AGAP1: variants seen among roughly 807,000 people sequenced by gnomAD.
AGAP1 encodes ArfGAP with GTPase domain, ankyrin repeat and PH domain 1, also known as arf-GAP with GTPase, ANK repeat and PH domain-containing protein 1.
A neutral mutation model predicts 105.3 loss-of-function variants in AGAP1; 29 were observed. The observed-to-expected ratio is 0.28, with a 90% CI of 0.21 to 0.38. The LOEUF is 0.38. Among genes scored for constraint, AGAP1 ranks in the 10% least tolerant of loss-of-function variants. The pLI is 1.00. For synonymous variants in AGAP1, 509 were observed against 485.9 expected, an observed-to-expected ratio of 1.05 and a Z score of -0.63; for missense variants, 998 against 1,165.1, an observed-to-expected ratio of 0.86 and a Z score of 2.09.
At position 236,012,894 on chromosome 2, in the gene AGAP1, G is replaced by A. The variant is rs958316198; in HGVS notation, c.1646-23667G>A. On this transcript the variant is annotated intron_variant, in intron 13 of 17. Coordinates refer to ENST00000304032, the MANE Select transcript of AGAP1 (RefSeq NM_001037131.3). This position sits in a 1 kb window ranked among gnomAD's most constrained non-coding sequence, Gnocchi z 4.9. ...CCAGAGTAGCTGGGATTATAGGCGT[G>A]CCCCACCATGCACAGCTAATTTTTG... Among the ~76,000 whole-genome samples, 43 of 152,150 alleles carry A rather than the reference G, an allele frequency of 2.8e-4. No individual in the cohort carries two copies. The Middle Eastern group carries it at 0.014, about 48-fold the overall frequency.
At chr2:235,884,466 T>G (rs1401262705) in intron 10 of AGAP1, among the ~76,000 whole-genome samples, 1 of 150,850 alleles carries the variant, frequency 6.6e-6, no homozygotes, top group Non-Finnish European at 1.5e-5. Context: ...TTTTTTTTTT[T>G]TTTGAGAGGA....
At chr2:235,803,048 T>TGTGATG (rs1559506509) in intron 8 of AGAP1, among the ~76,000 whole-genome samples, 3 of 3,976 alleles carry the variant, frequency 7.5e-4, no homozygotes, top group Non-Finnish European at 1.9e-3. Context: ...TGATGATGGT[T>TGTGATG]GTGGTGATGG....
In AGAP1 at chr2:235,620,140, G is replaced by A. The variant is rs1401198634; in HGVS notation, c.164-89039G>A. Among the ~76,000 whole-genome samples the A allele has an allele frequency of 5.3e-5, 8 of 152,128 alleles. No homozygotes were observed. In the East Asian group the frequency reaches 1.2e-3, roughly 22 times the overall value. On this transcript the variant is annotated intron_variant, in intron 1 of 17. Transcript: ENST00000304032. This position sits in a 1 kb window ranked among gnomAD's most constrained non-coding sequence, Gnocchi z 4.5. ...GGAGACTTGTCATTCTTCTCCTGCC[G>A]GGCATGGATGCTGACAATAGAACTA...
intron 10 of AGAP1, among the ~76,000 whole-genome samples, chr2:235,890,942 C>A (rs1422619386): frequency 5.8e-4 from 68 of 117,636 alleles, no homozygotes; most frequent in South Asian, 3.2e-3. Flanking sequence ...AACTGAGGCT[C>A]AAAAAAAAAA....
chr2:235,751,661 A>G lies in AGAP1; in HGVS notation c.673+1173A>G, dbSNP rs1205460597. ...AGTTTCAAAGATGACATCAGTTCTC[A>G]AACTTCACATTTTCTTTCCTGGAGC... On this transcript the variant is annotated intron_variant, in intron 6 of 17. Transcript: ENST00000304032. This position sits in a 1 kb window ranked among gnomAD's most constrained non-coding sequence, Gnocchi z 5.3. 1.3e-5 allele frequency among the ~76,000 whole-genome samples: 2 copies of G among 152,224 alleles called. No homozygotes were observed. The highest frequency in any genetic ancestry group is 4.8e-5 in the African/African-American group (2 of 41,464).
chr2:235,531,965 C>T (rs984152744), intron 1 of AGAP1, among the ~76,000 whole-genome samples: 8 of 151,974 alleles, frequency 5.3e-5, no homozygotes, highest in Non-Finnish European at 8.8e-5. Flanking sequence ...AGTGGCTGTC[C>T]GCATTAGATC....
chr2:235,695,332 A>G (rs992649257), intron 1 of AGAP1, among the ~76,000 whole-genome samples: 1 of 152,214 alleles, frequency 6.6e-6, no homozygotes, highest in Admixed American at 6.5e-5. Context: ...TGCTCATCGT[A>G]AAGACTTACA....
rs1443696427 is a variant in AGAP1 at position 235,728,456 on chromosome 2, A to C, written c.310+10812A>C. Among the ~76,000 whole-genome samples, 5 of 152,176 alleles carry C rather than the reference A, an allele frequency of 3.3e-5. No homozygotes were observed. Among genetic ancestry groups the C allele is most frequent in the African/African-American group, 1.2e-4 (5 of 41,440 alleles). On this transcript the variant is annotated intron_variant, in intron 3 of 17. Coordinates refer to ENST00000304032, the MANE Select transcript of AGAP1 (RefSeq NM_001037131.3). This position sits in a 1 kb window ranked among gnomAD's most constrained non-coding sequence, Gnocchi z 4.3. ...AATGATTGACCCAGACCAGAAATGGAAACCTGATTCAACTCACAGTGTAGT... is the reference window on the plus strand; with the variant it reads ...AATGATTGACCCAGACCAGAAATGGCAACCTGATTCAACTCACAGTGTAGT...
intron 1 of AGAP1, among the ~76,000 whole-genome samples, chr2:235,682,600 C>G (rs747080016): frequency 1.3e-5 from 2 of 152,134 alleles, no homozygotes; most frequent in Non-Finnish European, 2.9e-5. Flanking sequence ...GCACCTTAGC[C>G]TCCCAAAGTG....
intron 16 of AGAP1, among the ~76,000 whole-genome samples, chr2:236,065,779 G>A (rs1161949888): frequency 6.6e-6 from 1 of 152,164 alleles, no homozygotes; most frequent in Admixed American, 6.5e-5. Flanking sequence ...TGGGCTTCAG[G>A]GCAAATGAAG....
intron 2 of AGAP1, among the ~76,000 whole-genome samples, chr2:235,711,449 T>C (rs1950849427): frequency 1.3e-5 from 2 of 152,256 alleles, no homozygotes; most frequent in African/African-American, 2.4e-5. Flanking sequence ...TTCTGGAATA[T>C]CTGCCCAGAG....
chr2:235,882,328 T>C lies in AGAP1; in HGVS notation c.1051-1017T>C, dbSNP rs2050066357. 1.0e-6 allele frequency: 1 copy of C among 996,932 alleles called. No homozygotes were observed. The highest frequency in any genetic ancestry group is 1.5e-6 in the Non-Finnish European group (1 of 668,176). The allele number at this position is 996,932 out of a possible 1,614,324, so 61.8% of individuals were successfully genotyped here. On this transcript the variant is annotated intron_variant, in intron 9 of 17. Coordinates refer to ENST00000304032, the MANE Select transcript of AGAP1 (RefSeq NM_001037131.3). The surrounding 1 kb of genome is among the most constrained non-coding windows in gnomAD (Gnocchi z 4.6). The stretch of plus-strand genomic sequence containing the variant: ...TTCCTCCACATCACAACTGGGGTCT[T>C]AAGGATGACGAGGGCAGGAAATCCT...
rs1945735127 is a variant in AGAP1 at position 235,601,646 on chromosome 2, G to C, written c.163+106797G>C. ...TTCAGTAACCTCCCACTGGGTCCCT[G>C]GGAGCCACAATTCAAGATGAGATTT... is the stretch of plus-strand genomic sequence containing the variant. On this transcript the variant is annotated intron_variant, in intron 1 of 17. Coordinates refer to ENST00000304032, the MANE Select transcript of AGAP1 (RefSeq NM_001037131.3). This position sits in a 1 kb window ranked among gnomAD's most constrained non-coding sequence, Gnocchi z 4.4. 6.6e-6 allele frequency among the ~76,000 whole-genome samples: 1 copy of C among 152,220 alleles called. No homozygotes were observed. Among genetic ancestry groups the C allele is most frequent in the Admixed American group, 6.5e-5 (1 of 15,282 alleles).
At chr2:235,678,016 A>G (rs1403872238) in intron 1 of AGAP1, among the ~76,000 whole-genome samples, 1 of 138,258 alleles carries the variant, frequency 7.2e-6, no homozygotes, top group African/African-American at 2.6e-5. Flanking sequence ...GAGGATGCGT[A>G]TTTGTGACTT....
intron 2 of AGAP1, among the ~76,000 whole-genome samples, chr2:235,709,994 TGTAG>T (rs1254814020): frequency 5.9e-5 from 9 of 152,204 alleles, no homozygotes; most frequent in Admixed American, 3.9e-4. Flanking sequence ...TTTATATTTA[TGTAG>T]GTATCTATGT....
chr2:236,034,877 G>C (rs2057332536), intron 13 of AGAP1, among the ~76,000 whole-genome samples: 1 of 152,332 alleles, frequency 6.6e-6, no homozygotes, highest in South Asian at 2.1e-4. Flanking sequence ...GGCCCTCTCT[G>C]GCTGGGTGCT....
At position 235,930,703 on chromosome 2, in the gene AGAP1, C is replaced by G; in HGVS notation, c.1325-62C>G. 1 of 1,546,350 alleles carries G rather than the reference C, an allele frequency of 6.5e-7. No individual in the cohort carries two copies. Among genetic ancestry groups the G allele is most frequent in the African/African-American group, 1.4e-5 (1 of 73,886 alleles). ...CCAGCGTGTGGGTCCCATAGACTAA[C>G]TCGCGCTGGTTTCTGTGGTCTGCAG... On this transcript the variant is annotated intron_variant, in intron 11 of 17. Transcript: ENST00000304032. This position sits in a 1 kb window ranked among gnomAD's most constrained non-coding sequence, Gnocchi z 7.9.
Position 235,967,344 on chromosome 2 carries a change from C to T in AGAP1, c.1484-1118C>T, listed in dbSNP as rs2054445529. Among the ~76,000 whole-genome samples, 1 of 152,214 alleles carries T rather than the reference C, an allele frequency of 6.6e-6. No homozygotes were observed. Among genetic ancestry groups the T allele is most frequent in the Non-Finnish European group, 1.5e-5 (1 of 68,046 alleles). On this transcript the variant is annotated intron_variant, in intron 12 of 17. Coordinates refer to ENST00000304032, the MANE Select transcript of AGAP1 (RefSeq NM_001037131.3). The surrounding 1 kb of genome is among the most constrained non-coding windows in gnomAD (Gnocchi z 4.7). ...GACACCCCCCATCACTGCCGCCTCT[C>T]CCCAGCCTCCCAGCCTTGATGCCCC...
At chr2:235,670,485 A>G (rs1948336066) in intron 1 of AGAP1, 8 of 516,352 alleles carry the variant, frequency 1.5e-5, no homozygotes, top group Non-Finnish European at 2.4e-5. Flanking sequence ...GCCGAGGAGG[A>G]GGGACGCGGC....
Sources: allele counts gnomAD v4.1 joint callset (sites outside exome capture counted in the v4.1 genomes callset), GRCh38; gene constraint gnomAD v4.1.1; non-coding constraint Gnocchi (gnomAD v3.1); transcripts MANE v1.5; gene names NCBI Gene and HGNC (gene_info 2026-07-23, HGNC 2026-07-21).